The following SIAE variants were observed in gnomAD, a reference collection of about 807,000 sequenced individuals.
SIAE encodes sialic acid acetylesterase, also known as sialate O-acetylesterase.
In SIAE, 39 loss-of-function variants were observed where a neutral mutation model predicts 52.6. That is an observed-to-expected ratio of 0.74 (90% CI 0.57 to 0.97). The LOEUF is 0.97. Ranked by LOEUF, SIAE falls within the 50% of genes least tolerant of loss-of-function variation. The pLI, the probability that SIAE is intolerant of heterozygous loss-of-function variation, is 0.00. For synonymous variants in SIAE, 233 were observed against 241.4 expected (o/e 0.97, Z 0.32); for missense variants, 592 against 662.1 (o/e 0.89, Z 1.16).
intron 1 of SIAE, among the ~76,000 whole-genome samples, chr11:124,671,557 C>T (rs1369668278): frequency 2.0e-5 from 3 of 151,918 alleles, no homozygotes. Context: ...CCCACTTTGC[C>T]GAAATTAGAT....
At chr11:124,637,303 ACT>A in intron 9 of SIAE, 101 bp from the exon 10 acceptor site, 8 of 1,536,734 alleles carry the variant, frequency 5.2e-6, no homozygotes, top group Non-Finnish European at 7.2e-6. Context: ...GAAAGGAGAC[ACT>A]CTTCACCAAG....
rs1273366199 is a variant in SIAE at position 124,636,126 on chromosome 11, GT to G, written c.*824del. On this transcript the variant is annotated 3_prime_UTR_variant, in exon 10 of 10. Coordinates refer to ENST00000263593, the MANE Select transcript of SIAE (RefSeq NM_170601.5). ...TAAGCCAGAGTTTCCCACGCCTCCT[GT>G]TCCTGGCAGCCCAAGTGCCTTCGCT... The G allele has an allele frequency of 6.6e-6, 1 of 152,236 alleles. No homozygotes were observed. Among genetic ancestry groups the G allele is most frequent in the Non-Finnish European group, 1.5e-5 (1 of 68,072 alleles). The allele number at this position is 152,236 out of a possible 1,614,324, so 9.4% of individuals were successfully genotyped here. A position where few individuals can be genotyped will look rare whatever the true frequency, so the allele number is the denominator to read the frequency against.
chr11:124,647,213 C>A, intron 7 of SIAE, 152 bp downstream of exon 7: 2 of 1,056,874 alleles, frequency 1.9e-6, no homozygotes, highest in Non-Finnish European at 2.8e-6. Context: ...ACATTCAGTT[C>A]TTGACCAGCA....
rs569811367 is a variant in SIAE, at chr11:124,656,278, T to C, written c.406-1485A>G. ...ACTTTTAATTTTTATTTTTCAAATA[T>C]TTTATATCCATGGCTGGTTGAATCT... On this transcript the variant is annotated intron_variant, in intron 3 of 9. Coordinates refer to ENST00000263593, the MANE Select transcript of SIAE (RefSeq NM_170601.5). 3.9e-5 allele frequency among the ~76,000 whole-genome samples: 6 copies of C among 152,366 alleles called. No homozygotes were observed. In the East Asian group the frequency reaches 9.6e-4, roughly 24 times the overall value.
chr11:124,675,277 T>C (rs1369938484), upstream of SIAE: 1 of 1,612,446 alleles, frequency 6.2e-7, no homozygotes, highest in South Asian at 1.1e-5. Context: ...GTCGATTCCA[T>C]TCTCCAACAC....
intron 1 of SIAE, 129 bp downstream of exon 1, chr11:124,673,513 C>T (rs1943405109): frequency 9.0e-7 from 1 of 1,110,856 alleles, no homozygotes; most frequent in Non-Finnish European, 1.3e-6. Flanking sequence ...AGACGCGAGC[C>T]CCTAGCCTAG....
chr11:124,637,318 C>T (rs902960855), intron 9 of SIAE, 116 bp from the exon 10 acceptor site: 98 of 1,436,314 alleles, frequency 6.8e-5, no homozygotes, highest in Non-Finnish European at 9.3e-5. Flanking sequence ...TCACCAAGGA[C>T]CTACTCCTAC....
chr11:124,653,982 G>A (rs1019034779), intron 4 of SIAE, among the ~76,000 whole-genome samples: 4 of 152,110 alleles, frequency 2.6e-5, no homozygotes, highest in Admixed American at 2.0e-4. Context: ...TTCGAGACCA[G>A]CCTGGCCAAT....
chr11:124,668,150 C>G (rs1044661987), intron 2 of SIAE, among the ~76,000 whole-genome samples: 2 of 152,194 alleles, frequency 1.3e-5, no homozygotes, highest in South Asian at 2.1e-4. Context: ...CACACACCCC[C>G]CAGTGTTCCA....
At chr11:124,657,128 G>A (rs1943113866) in intron 3 of SIAE, among the ~76,000 whole-genome samples, 1 of 152,232 alleles carries the variant, frequency 6.6e-6, no homozygotes, top group Non-Finnish European at 1.5e-5. Context: ...GGTGGTGGCA[G>A]CTCTAGGCTG....
chr11:124,657,998 G>T (rs186513572), intron 3 of SIAE, among the ~76,000 whole-genome samples: 2 of 152,254 alleles, frequency 1.3e-5, no homozygotes, highest in Admixed American at 1.3e-4. Flanking sequence ...ATTTAAATGA[G>T]GATGTAAATG....
chr11:124,673,757 G>A, upstream of SIAE: 1 of 1,597,068 alleles, frequency 6.3e-7, no homozygotes, highest in Non-Finnish European at 8.5e-7. Flanking sequence ...TGGGTTCCCG[G>A]CAGGGGCGGG....
intron 1 of SIAE, among the ~76,000 whole-genome samples, chr11:124,673,413 CT>C (rs1440538369): frequency 2.0e-5 from 3 of 152,216 alleles, no homozygotes; most frequent in Non-Finnish European, 4.4e-5. Flanking sequence ...TGCTCACAGG[CT>C]GCATGTCAGG....
chr11:124,672,505 A>C (rs1943380166), intron 1 of SIAE, among the ~76,000 whole-genome samples: 1 of 152,248 alleles, frequency 6.6e-6, no homozygotes, highest in South Asian at 2.1e-4. Flanking sequence ...CAGGATACGC[A>C]ACCAAGTAGA....
At chr11:124,664,372 C>A (rs556030819) in intron 2 of SIAE, among the ~76,000 whole-genome samples, 2 of 152,220 alleles carry the variant, frequency 1.3e-5, no homozygotes, top group East Asian at 3.9e-4. Context: ...GCTGGGACTA[C>A]AGGTGCGCAC....
At chr11:124,643,101 T>C (rs1942874587) in intron 7 of SIAE, among the ~76,000 whole-genome samples, 1 of 152,226 alleles carries the variant, frequency 6.6e-6, no homozygotes, top group Non-Finnish European at 1.5e-5. Flanking sequence ...TGTATTGTTT[T>C]AAGCTGCTAA....
chr11:124,662,669 C>A (rs1017027414), intron 2 of SIAE, among the ~76,000 whole-genome samples: 1 of 152,158 alleles, frequency 6.6e-6, no homozygotes, highest in Non-Finnish European at 1.5e-5. Flanking sequence ...CCAGAGGATG[C>A]ACTCCCTCTA....
intron 4 of SIAE, chr11:124,654,373 C>T (rs562054827): frequency 1.8e-5 from 18 of 985,280 alleles, no homozygotes; most frequent in African/African-American, 1.2e-4. Context: ...GTGAAGGCAT[C>T]GGCGAGAGAT....
intron 5 of SIAE, 64 bp downstream of exon 5, chr11:124,649,555 A>G (rs1565411781): frequency 6.4e-7 from 1 of 1,569,936 alleles, no homozygotes; most frequent in Non-Finnish European, 8.8e-7. Flanking sequence ...ACAGAGGACG[A>G]TGACCCTCTC....
Sources: gnomAD v4.1 joint callset for allele counts (sites outside exome capture counted in the v4.1 genomes callset) on GRCh38, gnomAD v4.1.1 for gene constraint, MANE v1.5 for transcripts, NCBI Gene and HGNC (gene_info 2026-07-23, HGNC 2026-07-21) for gene names.